Variants in DISP3 observed in about 807,000 individuals in gnomAD.
DISP3 encodes protein dispatched homolog 3.
Under a neutral mutation model 135.3 loss-of-function variants are expected in DISP3, and 101 were observed. That is an observed-to-expected ratio of 0.75 (90% CI 0.64 to 0.88). The LOEUF is 0.88. Ranked by LOEUF, DISP3 falls within the 40% of genes least tolerant of loss-of-function variation. The pLI is 0.00. For synonymous variants in DISP3, 856 were observed against 817.0 expected, an observed-to-expected ratio of 1.05 and a Z score of -0.81; for missense variants, 1,713 against 1,878.6, an observed-to-expected ratio of 0.91 and a Z score of 1.63.
intron 1 of DISP3, among the ~76,000 whole-genome samples, chr1:11,485,214 CTGAGA>C (rs1641005069): frequency 6.6e-6 from 1 of 152,042 alleles, no homozygotes; most frequent in Non-Finnish European, 1.5e-5. Context: ...TCCCCTGGGG[CTGAGA>C]CGGCATGATC....
chr1:11,522,660 GAGCCCAGCCA>G (rs1642249783), intron 10 of DISP3, among the ~76,000 whole-genome samples: 9 of 134,310 alleles, frequency 6.7e-5, no homozygotes, highest in Admixed American at 2.2e-4. Flanking sequence ...GGCCCAGCCA[GAGCCCAGCCA>G]GGACCCAGCC....
chr1:11,488,953 G>A (rs181368955), intron 1 of DISP3, among the ~76,000 whole-genome samples: 68 of 152,286 alleles, frequency 4.5e-4, no homozygotes, highest in African/African-American at 1.6e-3. Flanking sequence ...CAGTCCCACC[G>A]CCTCCCCCGC....
intron 11 of DISP3, 118 bp from the exon 12 acceptor site, chr1:11,525,058 G>T: frequency 1.6e-6 from 2 of 1,256,188 alleles, no homozygotes; most frequent in Admixed American, 2.1e-5. Flanking sequence ...ATTTTGAGAT[G>T]AGCCCAAGGC....
At chr1:11,510,848 G>A (rs770375698) in intron 3 of DISP3, among the ~76,000 whole-genome samples, 27 of 151,868 alleles carry the variant, frequency 1.8e-4, no homozygotes, top group Non-Finnish European at 3.4e-4. Context: ...CCTGAAACTC[G>A]GAGAGAAAAA....
chr1:11,516,160 A>G lies in DISP3; in HGVS notation c.1748A>G (p.Gln583Arg). 6.2e-7 allele frequency: 1 copy of G among 1,613,486 alleles called. No individual in the cohort carries two copies. Among genetic ancestry groups the G allele is most frequent in the African/African-American group, 1.3e-5 (1 of 75,030 alleles). Residue 583 changes from glutamine to arginine, a missense_variant and splice_region_variant, in exon 6 of 21, where the codon CAG (glutamine) becomes CGG (arginine). Coordinates refer to ENST00000294484, the MANE Select transcript of DISP3 (RefSeq NM_020780.2). This position sits in a 1 kb window ranked among gnomAD's most constrained non-coding sequence, Gnocchi z 5.1. Reference sequence around the variant, plus strand: ...GCCTACGCAGCTAACGTCTTCTCCCAGGTGCGGACCTGTCCTCCATTCCTG... The same window carrying G: ...GCCTACGCAGCTAACGTCTTCTCCCGGGTGCGGACCTGTCCTCCATTCCTG... Reference protein sequence around the residue: ...AAAYAANVFSQIPAVHDFGLF... With the variant: ...AAAYAANVFSRIPAVHDFGLF...
rs548736167 is a variant in DISP3, at chr1:11,479,201, T to A, written c.-175T>A. On this transcript the variant is annotated 5_prime_UTR_variant, in exon 1 of 21. Coordinates refer to ENST00000294484, the MANE Select transcript of DISP3 (RefSeq NM_020780.2). ...GATTCGCGCGCAGCTTCCCGCGGTCTGCTTGCCCTGGAGCGGAGGGGGAGC... is the reference window on the plus strand; with the variant it reads ...GATTCGCGCGCAGCTTCCCGCGGTCAGCTTGCCCTGGAGCGGAGGGGGAGC... The A allele has an allele frequency of 6.3e-6, 1 of 159,682 alleles. No individual in the cohort carries two copies. The highest frequency in any genetic ancestry group is 6.5e-5 in the Admixed American group (1 of 15,288). 9.9% of individuals were successfully genotyped at this position (159,682 alleles called of 1,614,324 possible). A position where few individuals can be genotyped will look rare whatever the true frequency, so the allele number is the denominator to read the frequency against.
chr1:11,529,967 G>T lies in DISP3; in HGVS notation c.3102+8G>T, dbSNP rs747234858. The T allele has an allele frequency of 4.3e-6, 7 of 1,610,066 alleles. No individual in the cohort carries two copies. In the African/African-American group the frequency reaches 5.3e-5, roughly 12 times the overall value. ...CACGTCATTGGAGACCCGGTACGGGGCATGCGTCGGGCAGATGCCGAGGGC... is the reference window on the plus strand; with the variant it reads ...CACGTCATTGGAGACCCGGTACGGGTCATGCGTCGGGCAGATGCCGAGGGC... On this transcript the variant is annotated splice_region_variant and intron_variant, in intron 15 of 20. Coordinates refer to ENST00000294484, the MANE Select transcript of DISP3 (RefSeq NM_020780.2). This position sits in a 1 kb window ranked among gnomAD's most constrained non-coding sequence, Gnocchi z 4.7.
intron 1 of DISP3, among the ~76,000 whole-genome samples, chr1:11,493,262 G>A (rs954302050): frequency 6.6e-6 from 1 of 152,202 alleles, no homozygotes; most frequent in African/African-American, 2.4e-5. Flanking sequence ...AAGAAGAGCT[G>A]ATATTTCAGC....
chr1:11,505,120 G>T (rs1641661068), intron 3 of DISP3, among the ~76,000 whole-genome samples: 1 of 152,236 alleles, frequency 6.6e-6, no homozygotes, highest in African/African-American at 2.4e-5. Flanking sequence ...TCACCTAGGG[G>T]CTTGTTAGAA....
chr1:11,491,983 G>A lies in DISP3; in HGVS notation c.-3-9007G>A, dbSNP rs555720846. On this transcript the variant is annotated intron_variant, in intron 1 of 20. Coordinates refer to ENST00000294484, the MANE Select transcript of DISP3 (RefSeq NM_020780.2). This position sits in a 1 kb window ranked among gnomAD's most constrained non-coding sequence, Gnocchi z 4.3. The stretch of plus-strand genomic sequence containing the variant: ...TAAAAATACAAAAAATTAGCCGGGC[G>A]TAGTGGCGGGCGCCTGTAGTCCCAG... Among the ~76,000 whole-genome samples, 1 of 150,664 alleles carries A rather than the reference G, an allele frequency of 6.6e-6. No individual in the cohort carries two copies. The highest frequency in any genetic ancestry group is 1.9e-4 in the East Asian group (1 of 5,130).
intron 17 of DISP3, among the ~76,000 whole-genome samples, chr1:11,532,077 C>G (rs1642590603): frequency 1.3e-5 from 2 of 152,334 alleles, no homozygotes; most frequent in South Asian, 4.1e-4. Context: ...GGCCCCAGAC[C>G]CTGGCAGCCT....
intron 1 of DISP3, among the ~76,000 whole-genome samples, chr1:11,497,552 C>G (rs1641371460): frequency 6.6e-6 from 1 of 152,128 alleles, no homozygotes; most frequent in African/African-American, 2.4e-5. Context: ...CCACGCCCAG[C>G]TAATTTTTTG....
intron 3 of DISP3, among the ~76,000 whole-genome samples, chr1:11,507,674 C>G (rs959562659): frequency 2.6e-5 from 4 of 152,224 alleles, no homozygotes; most frequent in African/African-American, 9.7e-5. Context: ...TTTCTGGAGT[C>G]TTAGCCCTCT....
In DISP3 at chr1:11,516,790, C is replaced by G. The variant is rs542174925; in HGVS notation, c.1749+629C>G. On this transcript the variant is annotated intron_variant, in intron 6 of 20. Coordinates refer to ENST00000294484, the MANE Select transcript of DISP3 (RefSeq NM_020780.2). The surrounding 1 kb of genome is among the most constrained non-coding windows in gnomAD (Gnocchi z 5.1). Reference sequence around the variant, plus strand: ...AAACCAGTAGATGCTTTAGGATTATCCAGGTCCTTCTAGAGAATCACTTCT... The same window carrying G: ...AAACCAGTAGATGCTTTAGGATTATGCAGGTCCTTCTAGAGAATCACTTCT... 2.4e-4 allele frequency among the ~76,000 whole-genome samples: 36 copies of G among 152,180 alleles called. No individual in the cohort carries two copies. Among genetic ancestry groups the G allele is most frequent in the Non-Finnish European group, 4.3e-4 (29 of 68,034 alleles).
intron 1 of DISP3, among the ~76,000 whole-genome samples, chr1:11,500,745 T>A (rs1641481209): frequency 6.6e-6 from 1 of 152,350 alleles, no homozygotes; most frequent in East Asian, 1.9e-4. Flanking sequence ...TTTTCCTTTT[T>A]TCTGTGGCCT....
intron 3 of DISP3, 99 bp downstream of exon 3, chr1:11,502,996 C>A: frequency 9.1e-7 from 1 of 1,093,482 alleles, no homozygotes. Flanking sequence ...TAATCTTTTC[C>A]TTTGGAAGTC....
Position 11,497,195 on chromosome 1 carries a change from A to T in DISP3, c.-3-3795A>T, listed in dbSNP as rs568716126. 2.9e-3 allele frequency among the ~76,000 whole-genome samples: 440 copies of T among 151,996 alleles called. 2 individuals carry two copies. The highest frequency in any genetic ancestry group is 9.2e-3 in the African/African-American group (382 of 41,438). Reference sequence around the variant, plus strand: ...CTGTCCAGGGGAAAGTTCTTTTTTTAAAAAAAATTAAAATTTTAAAAAATT... The same window carrying T: ...CTGTCCAGGGGAAAGTTCTTTTTTTTAAAAAAATTAAAATTTTAAAAAATT... On this transcript the variant is annotated intron_variant, in intron 1 of 20. Transcript: ENST00000294484.
rs1020184359 is a variant in DISP3, at chr1:11,483,761, T to A, written c.-4+4389T>A. Among the ~76,000 whole-genome samples the A allele has an allele frequency of 6.6e-6, 1 of 152,210 alleles. No individual in the cohort carries two copies. The highest frequency in any genetic ancestry group is 2.4e-5 in the African/African-American group (1 of 41,452). ...TTCTGAGCCATGGCTGGGCCGGAGCTGAGTCCCCGTGAGAGTCTGGAATGG... is the reference window on the plus strand; with the variant it reads ...TTCTGAGCCATGGCTGGGCCGGAGCAGAGTCCCCGTGAGAGTCTGGAATGG... On this transcript the variant is annotated intron_variant, in intron 1 of 20. Coordinates refer to ENST00000294484, the MANE Select transcript of DISP3 (RefSeq NM_020780.2). The surrounding 1 kb of genome is among the most constrained non-coding windows in gnomAD (Gnocchi z 5.4).
Position 11,501,073 on chromosome 1 carries a change from C to A in DISP3, c.81C>A (p.Thr27=), listed in dbSNP as rs754228147. ...AGGAGGAAGAAGCAACGGGTGAAAC[C>A]TTTTTAGGGGCCCAGAAGCCAGGGC... ...EQEEEEATGE[T]FLGAQKPGPQ... The change falls in exon 2 of 21, where the codon ACC becomes ACA. Residue 27 remains threonine, a synonymous_variant. Transcript: ENST00000294484. This position sits in a 1 kb window ranked among gnomAD's most constrained non-coding sequence, Gnocchi z 4.9. 6.2e-7 allele frequency: 1 copy of A among 1,614,112 alleles called. No homozygotes were observed. The highest frequency in any genetic ancestry group is 2.2e-5 in the East Asian group (1 of 44,872).
Sources: allele counts gnomAD v4.1 joint callset (sites outside exome capture counted in the v4.1 genomes callset), GRCh38; gene constraint gnomAD v4.1.1; non-coding constraint Gnocchi (gnomAD v3.1); transcripts MANE v1.5; gene names NCBI Gene and HGNC (gene_info 2026-07-23, HGNC 2026-07-21).